FNBP4: variants seen among roughly 807,000 people sequenced by gnomAD.
The protein encoded by FNBP4 is formin binding protein 4.
A neutral mutation model predicts 119.3 loss-of-function variants in FNBP4; 34 were observed. The ratio of observed to expected loss-of-function variants is 0.28; its 90% CI spans 0.22 to 0.38. The LOEUF (loss-of-function observed/expected upper bound fraction) is 0.38. Among genes scored for constraint, FNBP4 ranks in the 10% least tolerant of loss-of-function variants. The pLI is 1.00. For synonymous variants in FNBP4, 462 were observed against 430.6 expected, an observed-to-expected ratio of 1.07 and a Z score of -0.90; for missense variants, 1,112 against 1,228.9, an observed-to-expected ratio of 0.90 and a Z score of 1.42.
In FNBP4 at chr11:47,764,570, C is replaced by T. The variant is rs143560753; in HGVS notation, c.313+700G>A. On this transcript the variant is annotated intron_variant, in intron 2 of 16. Coordinates refer to ENST00000263773, the MANE Select transcript of FNBP4 (RefSeq NM_015308.5). Reference sequence around the variant, plus strand: ...CAAATGGTGAGGAGAGAGGAATAAGCATCTATCATTTTAAGCATCAAATAG... The same window carrying T: ...CAAATGGTGAGGAGAGAGGAATAAGTATCTATCATTTTAAGCATCAAATAG... Among the ~76,000 whole-genome samples the T allele has an allele frequency of 8.1e-3, 1,219 of 150,932 alleles. 13 individuals are homozygous for T. The highest frequency in any genetic ancestry group is 0.014 in the Middle Eastern group (4 of 292).
chr11:47,722,216 TTAGATA>T (rs1228474019), intron 15 of FNBP4, among the ~76,000 whole-genome samples: 2 of 146,498 alleles, frequency 1.4e-5, no homozygotes, highest in Non-Finnish European at 3.0e-5. Flanking sequence ...GACAAATATA[TTAGATA>T]TTGATAAGAC....
chr11:47,747,829 TC>T (rs761614628), intron 6 of FNBP4, among the ~76,000 whole-genome samples: 110 of 152,102 alleles, frequency 7.2e-4, no homozygotes, highest in Middle Eastern at 3.4e-3. Context: ...GCGCCTGTAA[TC>T]CCAGCTATTC....
intron 8 of FNBP4, among the ~76,000 whole-genome samples, chr11:47,739,700 G>A (rs908027438): frequency 6.6e-6 from 1 of 152,216 alleles, no homozygotes; most frequent in Admixed American, 6.5e-5. Flanking sequence ...CGAGGCAGGA[G>A]CATCAATTGA....
intron 12 of FNBP4, chr11:47,729,363 C>A (rs1305252129): frequency 1.0e-6 from 1 of 985,236 alleles, no homozygotes; most frequent in Non-Finnish European, 1.2e-6. Context: ...ATCTTGAACC[C>A]AACTCATCTT....
chr11:47,738,749 C>T (rs756868531), intron 8 of FNBP4, among the ~76,000 whole-genome samples: 6 of 150,950 alleles, frequency 4.0e-5, no homozygotes, highest in African/African-American at 7.3e-5. Context: ...GGAGCTATCT[C>T]GGCTCATTGC....
intron 14 of FNBP4, 148 bp downstream of exon 14, chr11:47,723,879 GT>G (rs78450562): frequency 0.073 from 40,396 of 554,110 alleles, no homozygotes; most frequent in East Asian, 0.094. Context: ...ACTGTCAAAA[GT>G]TTTTTTTTTT....
rs750524057 is a variant in FNBP4, at chr11:47,732,650, C to A, written c.1707G>T (p.Arg569=). 2 of 1,614,184 alleles carry A rather than the reference C, an allele frequency of 1.2e-6. No individual in the cohort carries two copies. The highest frequency in any genetic ancestry group is 1.1e-5 in the South Asian group (1 of 91,082). ...GGTAGTTTCCATTAAGAGCCCCTTC[C>A]CGCCAGTCTGCAATTCGAGTCTAGA... ...LQTETRIADW[R]EGALNGNYLK... Residue 569 remains arginine, a synonymous_variant, in exon 11 of 17, where the codon CGG becomes CGT. Transcript: ENST00000263773. The surrounding 1 kb of genome is among the most constrained non-coding windows in gnomAD (Gnocchi z 4.2).
chr11:47,761,847 T>C (rs1048450937), intron 2 of FNBP4, among the ~76,000 whole-genome samples: 17 of 152,118 alleles, frequency 1.1e-4, no homozygotes, highest in African/African-American at 3.9e-4. Context: ...TAATTTCTTT[T>C]TTTTTTTTGA....
At chr11:47,760,660 C>T (rs1019751168) in intron 2 of FNBP4, among the ~76,000 whole-genome samples, 6 of 152,062 alleles carry the variant, frequency 3.9e-5, no homozygotes, top group Admixed American at 3.9e-4. Context: ...TCTAGAACTC[C>T]CGACCTCAGG....
At chr11:47,744,432 C>CT (rs1259445381) in intron 7 of FNBP4, among the ~76,000 whole-genome samples, 3 of 151,312 alleles carry the variant, frequency 2.0e-5, no homozygotes, top group South Asian at 2.1e-4. Context: ...TGTCATCATA[C>CT]TTTTTTTTTC....
chr11:47,756,904 A>T (rs2097620146), intron 2 of FNBP4, among the ~76,000 whole-genome samples: 1 of 152,238 alleles, frequency 6.6e-6, no homozygotes, highest in African/African-American at 2.4e-5. Context: ...ATAGTATTCT[A>T]TGGTGTATAT....
At chr11:47,752,238 A>C (rs780451459) in intron 4 of FNBP4, among the ~76,000 whole-genome samples, 1 of 151,378 alleles carries the variant, frequency 6.6e-6, no homozygotes, top group Non-Finnish European at 1.5e-5. Flanking sequence ...AGCTTTGCCA[A>C]CATCGTGAAA....
intron 4 of FNBP4, among the ~76,000 whole-genome samples, chr11:47,751,994 C>A (rs1316246983): frequency 6.6e-6 from 1 of 151,928 alleles, no homozygotes; most frequent in Non-Finnish European, 1.5e-5. Context: ...CAAAAATGTA[C>A]CTAAAATACT....
Position 47,765,346 on chromosome 11 carries a change from C to A in FNBP4, c.237G>T (p.Val79=), listed in dbSNP as rs2135299646. 1 of 1,591,368 alleles carries A rather than the reference C, an allele frequency of 6.3e-7. No individual in the cohort carries two copies. Among genetic ancestry groups the A allele is most frequent in the East Asian group, 2.2e-5 (1 of 44,512 alleles). ...TCTGAACAACTCTAGGAACCTCCTG[C>A]ACCGCTTCCTGTTCATCTGGATTAA... The part of the protein sequence containing the change: ...DSPSEDEQEA[V]QEVPRVVQNP... The change falls in exon 2 of 17, where the codon GTG becomes GTT. Residue 79 remains valine, a synonymous_variant. Coordinates refer to ENST00000263773, the MANE Select transcript of FNBP4 (RefSeq NM_015308.5).
chr11:47,721,660 A>G (rs1039334962), intron 15 of FNBP4, among the ~76,000 whole-genome samples: 2 of 152,058 alleles, frequency 1.3e-5, no homozygotes, highest in East Asian at 1.9e-4. Context: ...TAATGATATA[A>G]TATTTTTTCT....
chr11:47,764,846 A>G (rs928835791), intron 2 of FNBP4, among the ~76,000 whole-genome samples: 2 of 152,186 alleles, frequency 1.3e-5, no homozygotes, highest in African/African-American at 4.8e-5. Flanking sequence ...AGGTTTGTCT[A>G]CAAAACCACT....
intron 12 of FNBP4, chr11:47,724,997 T>C (rs763550272): frequency 1.2e-5 from 5 of 431,828 alleles, no homozygotes; most frequent in Non-Finnish European, 2.0e-5. Context: ...GCTAAAATAT[T>C]GAACAACTCA....
chr11:47,748,789 A>G (rs2097595965), intron 6 of FNBP4, among the ~76,000 whole-genome samples: 1 of 151,948 alleles, frequency 6.6e-6, no homozygotes, highest in South Asian at 2.1e-4. Flanking sequence ...AGCTGGGACT[A>G]CAAGCATGTG....
chr11:47,743,424 A>C (rs1300765235), intron 8 of FNBP4, among the ~76,000 whole-genome samples: 1 of 152,140 alleles, frequency 6.6e-6, no homozygotes, highest in East Asian at 1.9e-4. Flanking sequence ...CGGAGGTTGC[A>C]GTGAGCCAAG....
Sources: allele counts gnomAD v4.1 joint callset (sites outside exome capture counted in the v4.1 genomes callset), GRCh38; gene constraint gnomAD v4.1.1; non-coding constraint Gnocchi (gnomAD v3.1); transcripts MANE v1.5; gene names NCBI Gene and HGNC (gene_info 2026-07-23, HGNC 2026-07-21).